The following SPTBN1 variants were observed in gnomAD, a reference collection of about 807,000 sequenced individuals.
SPTBN1 encodes the protein spectrin beta chain, non-erythrocytic 1.
Under a neutral mutation model 266.4 loss-of-function variants are expected in SPTBN1, and 32 were observed. The ratio of observed to expected loss-of-function variants is 0.12; its 90% CI spans 0.09 to 0.16. The LOEUF is 0.16. SPTBN1 is among the 10% of genes least tolerant of loss of function. The pLI, the probability that SPTBN1 is intolerant of heterozygous loss-of-function variation, is 1.00. For synonymous variants in SPTBN1, 1,336 were observed against 1,162.2 expected, an observed-to-expected ratio of 1.15 and a Z score of -3.04; for missense variants, 2,296 against 3,067.1, an observed-to-expected ratio of 0.75 and a Z score of 5.94.
Position 54,664,567 on chromosome 2 carries a change from G to A in SPTBN1, c.6535G>A (p.Ala2179Thr). The A allele has an allele frequency of 6.2e-7, 1 of 1,614,138 alleles. No homozygotes were observed. Among genetic ancestry groups the A allele is most frequent in the Non-Finnish European group, 8.5e-7 (1 of 1,180,030 alleles). Residue 2179 changes from alanine (A) to threonine (T), a missense_variant, in exon 33 of 36, where the codon GCC becomes ACC. By Grantham distance (58) the Ala-to-Thr change is moderately conservative. This residue lies in a region of SPTBN1 where 347 missense variants were observed against 368.5 expected (regional missense o/e 0.94). Coordinates refer to ENST00000356805, the MANE Select transcript of SPTBN1 (RefSeq NM_003128.3). The surrounding 1 kb of genome is among the most constrained non-coding windows in gnomAD (Gnocchi z 5.6). ...GACCTCTGATCGTAAAGCCAAGACT[G>A]CCCTCCCAGCCCAGAGTGCCGCCAC... ...SPTSDRKAKT[A>T]LPAQSAATLP...
At chr2:54,599,713 T>C (rs1050764177) in intron 3 of SPTBN1, among the ~76,000 whole-genome samples, 1 of 152,188 alleles carries the variant, frequency 6.6e-6, no homozygotes, top group African/African-American at 2.4e-5. Flanking sequence ...GCTTTTTATT[T>C]TGGGAGTGGA....
intron 1 of SPTBN1, among the ~76,000 whole-genome samples, chr2:54,507,398 C>G (rs563038408): frequency 4.1e-4 from 63 of 152,086 alleles, no homozygotes; most frequent in African/African-American, 1.5e-3. Flanking sequence ...CAATGTTTCT[C>G]AGGGCTGCTT....
chr2:54,507,351 G>C (rs999935980), intron 1 of SPTBN1, among the ~76,000 whole-genome samples: 1 of 152,006 alleles, frequency 6.6e-6, no homozygotes, highest in Non-Finnish European at 1.5e-5. Context: ...TGTTGGGGTG[G>C]GGAAAATTTT....
At chr2:54,550,346 G>T (rs1206902433) in intron 2 of SPTBN1, among the ~76,000 whole-genome samples, 1 of 152,202 alleles carries the variant, frequency 6.6e-6, no homozygotes, top group Non-Finnish European at 1.5e-5. Flanking sequence ...TGAGAGATCA[G>T]CAGAAGCTCA....
chr2:54,670,345 G>T lies in SPTBN1; in HGVS notation c.*1776G>T. ...TGGGTATGTTGACTCCATGCCACTT[G>T]CATAAAGCAGCAATGGATATTAGTA... On this transcript the variant is annotated 3_prime_UTR_variant, in exon 36 of 36. Transcript: ENST00000356805. 1.1e-5 allele frequency: 2 copies of T among 183,380 alleles called. No individual in the cohort carries two copies. Among genetic ancestry groups the T allele is most frequent in the Non-Finnish European group, 1.1e-5 (1 of 88,920 alleles). 11.4% of individuals were successfully genotyped at this position (183,380 alleles called of 1,614,324 possible).
intron 1 of SPTBN1, among the ~76,000 whole-genome samples, chr2:54,459,465 G>A (rs1693243140): frequency 6.6e-6 from 1 of 152,194 alleles, no homozygotes; most frequent in African/African-American, 2.4e-5. Context: ...ACATGTGGAA[G>A]TACTATTTTG....
chr2:54,483,420 G>A (rs1231641604), intron 1 of SPTBN1, among the ~76,000 whole-genome samples: 2 of 152,172 alleles, frequency 1.3e-5, no homozygotes, highest in Admixed American at 1.3e-4. Flanking sequence ...TATACCAAAG[G>A]ATGCGGATTT....
chr2:54,600,438 A>G (rs769185009), intron 3 of SPTBN1, among the ~76,000 whole-genome samples: 6 of 151,858 alleles, frequency 4.0e-5, no homozygotes, highest in Non-Finnish European at 7.3e-5. Context: ...TAGACAAACT[A>G]GACAAATAAC....
At chr2:54,662,581 C>G (rs1040907065) in intron 32 of SPTBN1, 2 of 152,874 alleles carry the variant, frequency 1.3e-5, no homozygotes, top group African/African-American at 4.8e-5. Context: ...TTTTTTTATC[C>G]TGGTTTCTCT....
chr2:54,483,693 A>T (rs1668209139), intron 1 of SPTBN1, among the ~76,000 whole-genome samples: 1 of 152,170 alleles, frequency 6.6e-6, no homozygotes, highest in South Asian at 2.1e-4. Flanking sequence ...GAGCTCTGAG[A>T]ATGCATGGAT....
chr2:54,548,402 G>C (rs1672373537), intron 2 of SPTBN1, among the ~76,000 whole-genome samples: 1 of 152,160 alleles, frequency 6.6e-6, no homozygotes, highest in Admixed American at 6.5e-5. Context: ...CTGAGCTGGT[G>C]CAAGTTGGAC....
chr2:54,517,654 T>C lies in SPTBN1; in HGVS notation c.-47-8718T>C, dbSNP rs541765579. 2.6e-5 allele frequency among the ~76,000 whole-genome samples: 4 copies of C among 152,114 alleles called. No homozygotes were observed. In the East Asian group the frequency reaches 7.7e-4, roughly 29 times the overall value. On this transcript the variant is annotated intron_variant, in intron 1 of 35. Coordinates refer to ENST00000356805, the MANE Select transcript of SPTBN1 (RefSeq NM_003128.3). ...ACAGCTCTATGGTGCCTTTTTTTTTTTTTTCTTTTGAGACAGAGTCTCGCT... is the reference window on the plus strand; with the variant it reads ...ACAGCTCTATGGTGCCTTTTTTTTTCTTTTCTTTTGAGACAGAGTCTCGCT...
intron 1 of SPTBN1, among the ~76,000 whole-genome samples, chr2:54,515,516 A>AT (rs1440846123): frequency 6.6e-6 from 1 of 151,856 alleles, no homozygotes; most frequent in Admixed American, 6.6e-5. Flanking sequence ...CTTATCAGGA[A>AT]TTTTTTAGAT....
chr2:54,594,958 A>C (rs1161661025), intron 2 of SPTBN1, among the ~76,000 whole-genome samples: 2 of 149,670 alleles, frequency 1.3e-5, no homozygotes, highest in African/African-American at 4.9e-5. Context: ...CCTCAGCCTC[A>C]CAAGTAGCTG....
intron 10 of SPTBN1, among the ~76,000 whole-genome samples, 187 bp from the exon 11 acceptor site, chr2:54,624,617 G>A (rs563815067): frequency 1.3e-5 from 2 of 152,274 alleles, no homozygotes; most frequent in South Asian, 4.1e-4. Context: ...GTTCCCATGA[G>A]GATACACTGA....
intron 4 of SPTBN1, among the ~76,000 whole-genome samples, chr2:54,614,445 T>G (rs1438686084): frequency 6.6e-6 from 1 of 152,140 alleles, no homozygotes; most frequent in Non-Finnish European, 1.5e-5. Context: ...CTACCCTATA[T>G]GTGCATAGAA....
rs774614800 is a variant in SPTBN1, at chr2:54,629,586, C to T, written c.2452C>T (p.Pro818Ser). The T allele has an allele frequency of 6.2e-7, 1 of 1,614,078 alleles. No homozygotes were observed. Among genetic ancestry groups the T allele is most frequent in the East Asian group, 2.2e-5 (1 of 44,884 alleles). Residue 818 changes from proline (P) to serine (S), a missense_variant, in exon 14 of 36, where the codon CCA becomes TCA. By Grantham distance (74) the Pro-to-Ser change is moderately conservative. Around this residue, in one of 12 missense-constraint regions of SPTBN1, gnomAD observed 434 missense variants for 573.9 expected, o/e 0.76. Transcript: ENST00000356805. ...SALPQEHAES[P>S]DVRGRLSGIE... is the part of the protein sequence containing the mutation. ...CCTCCCCCAGGAGCATGCCGAGTCT[C>T]CAGACGTGAGGGGCAGGCTGTCGGG...
Position 54,629,126 on chromosome 2 carries a change from C to T in SPTBN1, c.1992C>T (p.Asp664=), listed in dbSNP as rs748619504. The T allele has an allele frequency of 1.5e-5, 24 of 1,613,466 alleles. No homozygotes were observed. Among genetic ancestry groups the T allele is most frequent in the East Asian group, 2.2e-5 (1 of 44,896 alleles). The change falls in exon 14 of 36, where the codon GAC becomes GAT. Residue 664 remains aspartate (D), a synonymous_variant. Coordinates refer to ENST00000356805, the MANE Select transcript of SPTBN1 (RefSeq NM_003128.3). ...IREKEKILSS[D]DYGKDLTSVM... The stretch of plus-strand genomic sequence containing the variant: ...AGAAGGAGAAGATCCTGTCCTCGGA[C>T]GATTACGGGAAAGACCTGACCAGCG...
chr2:54,577,310 T>C (rs1472837665), intron 2 of SPTBN1, among the ~76,000 whole-genome samples: 2 of 152,194 alleles, frequency 1.3e-5, no homozygotes, highest in Non-Finnish European at 2.9e-5. Flanking sequence ...CTGGTCACTT[T>C]CATTTTACCG....
Sources: allele counts gnomAD v4.1 joint callset (sites outside exome capture counted in the v4.1 genomes callset), GRCh38; gene constraint gnomAD v4.1.1; regional missense constraint gnomAD v4.1.1; non-coding constraint Gnocchi (gnomAD v3.1); transcripts MANE v1.5; gene names NCBI Gene and HGNC (gene_info 2026-07-23, HGNC 2026-07-21).